Variants in ATL2 observed in about 807,000 individuals in gnomAD.
ATL2 encodes the protein atlastin-2.
Under a neutral mutation model 73.9 loss-of-function variants are expected in ATL2, and 31 were observed. That is an observed-to-expected ratio of 0.42 (90% CI 0.32 to 0.57). The LOEUF is 0.57. Among genes scored for constraint, ATL2 ranks in the 20% least tolerant of loss-of-function variants. ATL2 has a pLI of 0.14. For synonymous variants in ATL2, 291 were observed against 237.5 expected (o/e 1.23, Z -2.07); for missense variants, 738 against 702.6 (o/e 1.05, Z -0.57).
chr2:38,364,719 T>C (rs1051648319), intron 1 of ATL2, among the ~76,000 whole-genome samples: 1 of 152,194 alleles, frequency 6.6e-6, no homozygotes, highest in Non-Finnish European at 1.5e-5. Context: ...GACTCAGGCA[T>C]ATAGTTTAAG....
intron 1 of ATL2, among the ~76,000 whole-genome samples, chr2:38,365,704 C>G (rs1671283474): frequency 6.6e-6 from 1 of 152,000 alleles, no homozygotes; most frequent in Non-Finnish European, 1.5e-5. Flanking sequence ...GAGGCTGAGG[C>G]AGGAGAATCA....
chr2:38,309,579 T>C (rs1038150242), intron 8 of ATL2, 73 bp from the exon 9 acceptor site: 1 of 1,436,328 alleles, frequency 7.0e-7, no homozygotes. Context: ...TTTCATAAAA[T>C]TCTGTTTTAT....
intron 2 of ATL2, among the ~76,000 whole-genome samples, chr2:38,322,065 T>C (rs909291155): frequency 6.6e-6 from 1 of 152,170 alleles, no homozygotes; most frequent in East Asian, 1.9e-4. Context: ...GGTTTTGCAG[T>C]TTTTTTGTGA....
At chr2:38,300,971 C>CTTTTTTTTT in intron 9 of ATL2, among the ~76,000 whole-genome samples, 1 of 143,832 alleles carries the variant, frequency 7.0e-6, no homozygotes, top group Non-Finnish European at 1.5e-5. Flanking sequence ...TTCATCTCAA[C>CTTTTTTTTT]TTTCTTTTTT....
chr2:38,363,403 A>G (rs942043158), intron 1 of ATL2, among the ~76,000 whole-genome samples: 5 of 152,022 alleles, frequency 3.3e-5, no homozygotes, highest in Admixed American at 1.3e-4. Flanking sequence ...CTTTATAACA[A>G]ATCTTGGCAT....
At chr2:38,336,215 C>A (rs1669348551) in intron 2 of ATL2, among the ~76,000 whole-genome samples, 1 of 152,198 alleles carries the variant, frequency 6.6e-6, no homozygotes, top group Non-Finnish European at 1.5e-5. Context: ...AGTTCAACAT[C>A]CCATAGGGCT....
chr2:38,327,755 G>A (rs983666014), intron 2 of ATL2, among the ~76,000 whole-genome samples: 1 of 152,104 alleles, frequency 6.6e-6, no homozygotes, highest in Non-Finnish European at 1.5e-5. Context: ...GGCCAACATG[G>A]GGAAACCCCG....
In ATL2 at chr2:38,336,460, T is replaced by TACC. The variant is rs781585269; in HGVS notation, c.363+6805_363+6807dup. ...GGATCCTTTATTTATTGAGCTTAGA[T>TACC]ACCAGTGCATAGCAAGAAAAGTTAC... On this transcript the variant is annotated intron_variant, in intron 2 of 12. Transcript: ENST00000378954. Among the ~76,000 whole-genome samples, 7 of 152,230 alleles carry TACC rather than the reference T, an allele frequency of 4.6e-5. No individual in the cohort carries two copies. In the South Asian group the frequency reaches 8.3e-4, roughly 18 times the overall value.
In ATL2 at chr2:38,312,571, C is replaced by A. The variant is rs187152897; in HGVS notation, c.804+580G>T. Among the ~76,000 whole-genome samples the A allele has an allele frequency of 1.8e-4, 27 of 152,142 alleles. No individual in the cohort carries two copies. In the East Asian group the frequency reaches 5.0e-3, roughly 28 times the overall value. Reference sequence around the variant, plus strand: ...TAAAAAATACAAAAAATATGCCAGGCGTGGTGGCGGGCGCCTGTAATCCCA... The same window carrying A: ...TAAAAAATACAAAAAATATGCCAGGAGTGGTGGCGGGCGCCTGTAATCCCA... On this transcript the variant is annotated intron_variant, in intron 7 of 12. Coordinates refer to ENST00000378954, the MANE Select transcript of ATL2 (RefSeq NM_001135673.4).
chr2:38,361,937 C>A (rs1573577471), intron 1 of ATL2, among the ~76,000 whole-genome samples: 1 of 152,142 alleles, frequency 6.6e-6, no homozygotes, highest in Non-Finnish European at 1.5e-5. Flanking sequence ...AGATTTCTAT[C>A]TTTTAAACCC....
intron 4 of ATL2, among the ~76,000 whole-genome samples, chr2:38,317,186 C>T (rs1668069428): frequency 6.6e-6 from 1 of 152,082 alleles, no homozygotes; most frequent in Non-Finnish European, 1.5e-5. Flanking sequence ...GACAGCATCA[C>T]CTATGATCTA....
At chr2:38,361,541 A>G (rs1481275182) in intron 1 of ATL2, among the ~76,000 whole-genome samples, 2 of 152,158 alleles carry the variant, frequency 1.3e-5, no homozygotes, top group Non-Finnish European at 2.9e-5. Flanking sequence ...AAGAAAGGGT[A>G]AAAGAGAAAG....
At position 38,318,544 on chromosome 2, in the gene ATL2, G is replaced by T; in HGVS notation, c.594C>A (p.Ser198Arg). Residue 198 changes from serine (S) to arginine (R), a missense_variant, in exon 4 of 13, where the codon AGC becomes AGA. Physicochemically the swap from Ser to Arg is moderately radical, Grantham distance 110. Coordinates refer to ENST00000378954, the MANE Select transcript of ATL2 (RefSeq NM_001135673.4). ...ATVFALSTMTSSVQVYNLSQN... is the reference protein window; with the variant it reads ...ATVFALSTMTRSVQVYNLSQN... ...TAATCTTGTGTCTCACCTGGACAGA[G>T]CTAGTCATAGTGCTCAGAGCAAACA... is the stretch of plus-strand genomic sequence containing the variant. 6.2e-7 allele frequency: 1 copy of T among 1,600,356 alleles called. No homozygotes were observed. The highest frequency in any genetic ancestry group is 8.5e-7 in the Non-Finnish European group (1 of 1,175,496).
At chr2:38,342,682 A>T (rs1278975181) in intron 2 of ATL2, among the ~76,000 whole-genome samples, 1 of 152,204 alleles carries the variant, frequency 6.6e-6, no homozygotes, top group Non-Finnish European at 1.5e-5. Flanking sequence ...AAAGGTGGCC[A>T]AAAGGAAAGT....
chr2:38,320,308 AAG>A (rs1558405719), intron 2 of ATL2, among the ~76,000 whole-genome samples: 2 of 152,024 alleles, frequency 1.3e-5, no homozygotes, highest in African/African-American at 4.8e-5. Context: ...TAGGAAAAAA[AAG>A]AGTCCTTATC....
intron 12 of ATL2, among the ~76,000 whole-genome samples, chr2:38,297,510 A>G (rs1666958943): frequency 6.6e-6 from 1 of 152,220 alleles, no homozygotes; most frequent in Admixed American, 6.5e-5. Flanking sequence ...CTTGCAGGCA[A>G]GAGTTCACAG....
chr2:38,321,005 A>T (rs1205424326), intron 2 of ATL2, among the ~76,000 whole-genome samples: 2 of 151,174 alleles, frequency 1.3e-5, no homozygotes, highest in African/African-American at 2.4e-5. Context: ...AAAAAAAAAA[A>T]TTAGCCAGGC....
At chr2:38,343,709 G>C (rs112936972) in intron 1 of ATL2, among the ~76,000 whole-genome samples, 197 bp from the exon 2 acceptor site, 1 of 152,146 alleles carries the variant, frequency 6.6e-6, no homozygotes, top group African/African-American at 2.4e-5. Context: ...ACTTGATATG[G>C]TTGGCTGTGT....
chr2:38,299,419 T>G, intron 10 of ATL2, 92 bp from the exon 11 acceptor site: 2 of 1,271,066 alleles, frequency 1.6e-6, no homozygotes, highest in Non-Finnish European at 2.1e-6. Context: ...AATAAACAAG[T>G]CTGAAAATGA....
Sources: gnomAD v4.1 joint callset for allele counts (sites outside exome capture counted in the v4.1 genomes callset) on GRCh38, gnomAD v4.1.1 for gene constraint, MANE v1.5 for transcripts, NCBI Gene and HGNC (gene_info 2026-07-23, HGNC 2026-07-21) for gene names.